The following GGT1 variants were observed in gnomAD, a reference collection of about 807,000 sequenced individuals.
GGT1 encodes gamma-glutamyltransferase 1, also known as glutathione hydrolase 1 proenzyme.
Under a neutral mutation model 56.0 loss-of-function variants are expected in GGT1, and 21 were observed. That is an observed-to-expected ratio of 0.38 (90% CI 0.27 to 0.54). The LOEUF (loss-of-function observed/expected upper bound fraction) is 0.54. Among genes scored for constraint, GGT1 ranks in the 20% least tolerant of loss-of-function variants. The pLI is 0.82. For synonymous variants in GGT1, 238 were observed against 342.6 expected (o/e 0.69, Z 3.37); for missense variants, 466 against 787.0 (o/e 0.59, Z 4.88).
At chr22:24,610,771 A>G (rs2046601272) in intron 4 of GGT1, among the ~76,000 whole-genome samples, 1 of 145,176 alleles carries the variant, frequency 6.9e-6, no homozygotes, top group Non-Finnish European at 1.5e-5. Flanking sequence ...CTGCAGAAAG[A>G]GGGGTGTGGA....
Position 24,628,863 on chromosome 22 carries a change from C to T in GGT1, c.*24C>T, listed in dbSNP as rs1212986728. The T allele has an allele frequency of 6.3e-7, 1 of 1,584,322 alleles. No homozygotes were observed. Among genetic ancestry groups the T allele is most frequent in the Non-Finnish European group, 8.6e-7 (1 of 1,165,430 alleles). ...GAGTGCTCCAGGAGGACAAGGCTGA[C>T]AAGCAATCCAGGGACAAGATACTCA... On this transcript the variant is annotated 3_prime_UTR_variant, in exon 16 of 16. Coordinates refer to ENST00000400382, the MANE Select transcript of GGT1 (RefSeq NM_001288833.2). The surrounding 1 kb of genome is among the most constrained non-coding windows in gnomAD (Gnocchi z 5.7).
At chr22:24,612,244 C>CTT (rs796939700) in intron 5 of GGT1, among the ~76,000 whole-genome samples, 44 of 75,364 alleles carry the variant, frequency 5.8e-4, no homozygotes, top group South Asian at 1.1e-3. Flanking sequence ...CCGGCTTATT[C>CTT]TTTTTTTTTT....
the GGT1 span, chr22:24,588,552 G>A: frequency 1.3e-6 from 1 of 776,236 alleles, no homozygotes; most frequent in Non-Finnish European, 1.9e-6. Context: ...GGCTGGTCCA[G>A]TCCCGCAGTG....
upstream of GGT1, chr22:24,592,720 C>G (rs1019088304): frequency 7.7e-7 from 1 of 1,298,266 alleles, no homozygotes; most frequent in African/African-American, 1.6e-5. Context: ...CCCTCGGAAC[C>G]CGCCTGCGCG....
Position 24,628,493 on chromosome 22 carries a change from C to G in GGT1, c.1563+105C>G. On this transcript the variant is annotated intron_variant, in intron 15 of 15. Transcript: ENST00000400382. This position sits in a 1 kb window ranked among gnomAD's most constrained non-coding sequence, Gnocchi z 5.7. ...GTGGACAATGGTTGGTGTCCTCTCT[C>G]TAGTGCCTGGGCCATCTGGAGCCCC... is the stretch of plus-strand genomic sequence containing the variant. 1 of 1,439,864 alleles carries G rather than the reference C, an allele frequency of 6.9e-7. No individual in the cohort carries two copies. Among genetic ancestry groups the G allele is most frequent in the Non-Finnish European group, 9.6e-7 (1 of 1,046,804 alleles). 89.2% of individuals were successfully genotyped at this position (1,439,864 alleles called of 1,614,324 possible).
chr22:24,601,948 C>G (rs958470725), upstream of GGT1, among the ~76,000 whole-genome samples: 8 of 152,214 alleles, frequency 5.3e-5, no homozygotes, highest in African/African-American at 1.7e-4. Flanking sequence ...CTGTAACTGG[C>G]CAAGGAGCTA....
intron 1 of GGT1, among the ~76,000 whole-genome samples, chr22:24,605,670 T>A (rs545359550): frequency 0.013 from 559 of 42,166 alleles, 9 homozygotes; most frequent in Middle Eastern, 0.059. Flanking sequence ...TATTATATAT[T>A]TAATATTATA....
chr22:24,614,742 G>A, intron 5 of GGT1, 34 bp from the exon 6 acceptor site: 1 of 1,610,994 alleles, frequency 6.2e-7, no homozygotes, highest in Non-Finnish European at 8.5e-7. Context: ...GTGGAAGCCT[G>A]CAGGTTCTCA....
At chr22:24,619,237 A>G (rs2047254861) in intron 7 of GGT1, among the ~76,000 whole-genome samples, 1 of 152,150 alleles carries the variant, frequency 6.6e-6, no homozygotes, top group Non-Finnish European at 1.5e-5. Flanking sequence ...GTCTCTACTA[A>G]AAATACAAAA....
chr22:24,616,250 C>T (rs2047057078), intron 7 of GGT1, among the ~76,000 whole-genome samples: 1 of 151,736 alleles, frequency 6.6e-6, no homozygotes, highest in Non-Finnish European at 1.5e-5. Context: ...CCTTTCTCTA[C>T]TAAAAGTACA....
Position 24,620,471 on chromosome 22 carries a change from G to A in GGT1, c.526G>A (p.Ala176Thr). The A allele has an allele frequency of 6.2e-7, 1 of 1,611,902 alleles. No homozygotes were observed. Among genetic ancestry groups the A allele is most frequent in the Non-Finnish European group, 8.5e-7 (1 of 1,179,812 alleles). ...CTTCCCCGTGGGCAAGGGCTTGGCG[G>A]CAGCCCTGGAAAACAAGCGGACCGT... ...QGFPVGKGLA[A>T]ALENKRTVIE... The change falls in exon 8 of 16, where the codon GCA becomes ACA. Residue 176 changes from alanine (A) to threonine (T), a missense_variant. Transcript: ENST00000400382. The surrounding 1 kb of genome is among the most constrained non-coding windows in gnomAD (Gnocchi z 5.6).
At chr22:24,600,869 C>T (rs552443097), upstream of GGT1, among the ~76,000 whole-genome samples, 5 of 152,178 alleles carry the variant, frequency 3.3e-5, no homozygotes, top group South Asian at 2.1e-4. Context: ...GGCAAATTGG[C>T]GCTTAATGTT....
rs3894886 is a variant in GGT1, at chr22:24,610,106, A to G, written c.-290+73A>G. ...CTGAGCCCCCTTTGCCATGCTGACCACATGCACATCCTGGGCTTCTGCAGG... is the reference window on the plus strand; with the variant it reads ...CTGAGCCCCCTTTGCCATGCTGACCGCATGCACATCCTGGGCTTCTGCAGG... On this transcript the variant is annotated intron_variant, in intron 3 of 15. Coordinates refer to ENST00000400382, the MANE Select transcript of GGT1 (RefSeq NM_001288833.2). 3.7e-3 allele frequency: 1,479 copies of G among 403,078 alleles called. 9 individuals are homozygous for G. Among genetic ancestry groups the G allele is most frequent in the Middle Eastern group, 0.011 (12 of 1,048 alleles). The allele number at this position is 403,078 out of a possible 1,614,324, so 25.0% of individuals were successfully genotyped here.
intron 2 of GGT1, among the ~76,000 whole-genome samples, chr22:24,608,688 A>C (rs200085171): frequency 6.6e-6 from 1 of 151,708 alleles, no homozygotes; most frequent in African/African-American, 2.4e-5. Context: ...ACGGAGTTTC[A>C]CTCTTGTTGC....
At chr22:24,605,642 ATAATATTATATAATGTGTATTATATATT>A (rs1430270464) in intron 1 of GGT1, among the ~76,000 whole-genome samples, 1,907 of 18,930 alleles carry the variant, frequency 0.1, 168 homozygotes, top group Middle Eastern at 0.33. Flanking sequence ...TATTATATAT[ATAATATTATATAATGTGTATTATATATT>A]TAATATTATA....
At chr22:24,625,896 T>C (rs201666176) in intron 11 of GGT1, among the ~76,000 whole-genome samples, 2 of 150,386 alleles carry the variant, frequency 1.3e-5, no homozygotes, top group East Asian at 3.9e-4. Context: ...GATTTGCCTT[T>C]CTGTTTCCTT....
intron 5 of GGT1, among the ~76,000 whole-genome samples, chr22:24,613,304 C>G (rs1226522610): frequency 1.3e-5 from 2 of 152,084 alleles, no homozygotes; most frequent in Admixed American, 1.3e-4. Flanking sequence ...GAACTCCTGG[C>G]CTCAAGTGAT....
chr22:24,590,462 G>A (rs544624940), upstream of GGT1, among the ~76,000 whole-genome samples: 6 of 152,274 alleles, frequency 3.9e-5, no homozygotes, highest in African/African-American at 1.4e-4. Flanking sequence ...GGAGCCCTCA[G>A]GGAAGTGGTA....
chr22:24,592,163 G>A (rs2147174243), upstream of GGT1: 1 of 396,816 alleles, frequency 2.5e-6, no homozygotes, highest in Admixed American at 2.7e-5. Flanking sequence ...CCAGGTGATT[G>A]GGGGGACCAG....
Sources: allele counts gnomAD v4.1 joint callset (sites outside exome capture counted in the v4.1 genomes callset), GRCh38; gene constraint gnomAD v4.1.1; non-coding constraint Gnocchi (gnomAD v3.1); transcripts MANE v1.5; gene names NCBI Gene and HGNC (gene_info 2026-07-23, HGNC 2026-07-21).